Variants in FBN2 observed in about 807,000 individuals in gnomAD.
FBN2 encodes fibrillin 2, also known as fibrillin-2.
Under a neutral mutation model 355.6 loss-of-function variants are expected in FBN2, and 105 were observed. The observed-to-expected ratio is 0.30, with a 90% CI of 0.25 to 0.35. The LOEUF is 0.35. FBN2 is among the 10% of genes least tolerant of loss of function. FBN2 has a pLI of 1.00. For missense variants in FBN2, 3,280 were observed against 3,758.7 expected (o/e 0.87, Z 3.33); for synonymous variants, 1,350 against 1,301.2 (o/e 1.04, Z -0.81).
chr5:128,450,582 A>C (rs1415102333), intron 6 of FBN2, among the ~76,000 whole-genome samples: 2 of 152,144 alleles, frequency 1.3e-5, no homozygotes, highest in Non-Finnish European at 2.9e-5. Flanking sequence ...CTTATAGTAC[A>C]AAAAGAGAAG....
At chr5:128,490,713 GTGTT>G (rs1403457467) in intron 5 of FBN2, among the ~76,000 whole-genome samples, 1 of 152,142 alleles carries the variant, frequency 6.6e-6, no homozygotes, top group Non-Finnish European at 1.5e-5. Flanking sequence ...ATCTAGCAAA[GTGTT>G]TGGCACATGG....
chr5:128,501,377 G>C, intron 5 of FBN2, among the ~76,000 whole-genome samples: 1 of 152,106 alleles, frequency 6.6e-6, no homozygotes, highest in East Asian at 1.9e-4. Flanking sequence ...CTCTCAAACA[G>C]GAGCTAGGGA....
intron 5 of FBN2, among the ~76,000 whole-genome samples, chr5:128,491,077 A>G (rs1755490489): frequency 6.6e-6 from 1 of 152,242 alleles, no homozygotes; most frequent in Admixed American, 6.5e-5. Flanking sequence ...TCAGAGAAAC[A>G]TAATATGATG....
chr5:128,473,482 G>T (rs569494390), intron 5 of FBN2, among the ~76,000 whole-genome samples: 1 of 152,256 alleles, frequency 6.6e-6, no homozygotes, highest in South Asian at 2.1e-4. Context: ...AAAAGTCACA[G>T]ATTAAGTAAT....
At position 128,259,421 on chromosome 5, in the gene FBN2, T is replaced by C. The variant is rs370568104; in HGVS notation, c.*34A>G. 2.5e-6 allele frequency: 4 copies of C among 1,611,862 alleles called. No individual in the cohort carries two copies. Among genetic ancestry groups the C allele is most frequent in the African/African-American group, 2.7e-5 (2 of 74,864 alleles). ...AAATGCTTCTGCAGACTGGCTGTGC[T>C]AGGATTTGAGCCTGGGCCCAAGTCT... On this transcript the variant is annotated 3_prime_UTR_variant, in exon 65 of 65. Coordinates refer to ENST00000262464, the MANE Select transcript of FBN2 (RefSeq NM_001999.4).
At chr5:128,264,888 A>G (rs1240239092) in intron 62 of FBN2, among the ~76,000 whole-genome samples, 1 of 152,194 alleles carries the variant, frequency 6.6e-6, no homozygotes. Context: ...CCCAGACAGG[A>G]ATTAAACTTC....
At position 128,338,115 on chromosome 5, in the gene FBN2, G is replaced by A. The variant is rs142323824; in HGVS notation, c.3480C>T (p.Asp1160=). The A allele has an allele frequency of 1.2e-4, 190 of 1,613,886 alleles. No individual in the cohort carries two copies. The highest frequency in any genetic ancestry group is 6.9e-4 in the African/African-American group (52 of 75,022). ...FMMMKNCMDI[D]ECERNPLLCR... ...AAAGGAGAGGGTTACGTTCACATTC[G>A]TCAATGTCTGAAAGGTAAAAACGTG... The change falls in exon 27 of 65, where the codon GAC becomes GAT. Residue 1160 remains aspartate, a synonymous_variant. Coordinates refer to ENST00000262464, the MANE Select transcript of FBN2 (RefSeq NM_001999.4).
At chr5:128,360,991 C>G (rs1751624942) in intron 19 of FBN2, among the ~76,000 whole-genome samples, 1 of 152,092 alleles carries the variant, frequency 6.6e-6, no homozygotes, top group Non-Finnish European at 1.5e-5. Flanking sequence ...GTATTCATAC[C>G]ACAGATTATT....
intron 8 of FBN2, among the ~76,000 whole-genome samples, chr5:128,400,689 A>G (rs747894171): frequency 2.2e-4 from 33 of 152,242 alleles, no homozygotes; most frequent in Non-Finnish European, 4.1e-4. Flanking sequence ...ACCACAATGT[A>G]TGAAATGAAG....
intron 5 of FBN2, among the ~76,000 whole-genome samples, chr5:128,514,607 C>T (rs1404519798): frequency 6.6e-6 from 1 of 152,080 alleles, no homozygotes; most frequent in Non-Finnish European, 1.5e-5. Context: ...TTTAGTTACA[C>T]TCTTGTATAT....
intron 51 of FBN2, 124 bp from the exon 52 acceptor site, chr5:128,289,376 G>A: frequency 2.1e-6 from 2 of 944,084 alleles, no homozygotes; most frequent in South Asian, 2.6e-5. Context: ...CTGAGGTCAG[G>A]AGCTTGAGAC....
chr5:128,341,547 C>T (rs1472809344), intron 25 of FBN2, among the ~76,000 whole-genome samples: 4 of 152,198 alleles, frequency 2.6e-5, no homozygotes, highest in Admixed American at 6.5e-5. Flanking sequence ...GGACCTCTTC[C>T]CCCATTCCCT....
At chr5:128,285,066 G>T (rs953807731) in intron 55 of FBN2, among the ~76,000 whole-genome samples, 2 of 152,170 alleles carry the variant, frequency 1.3e-5, no homozygotes, top group African/African-American at 4.8e-5. Context: ...AATTACTGAG[G>T]CATAATATAT....
At chr5:128,505,177 G>T (rs919798785) in intron 5 of FBN2, among the ~76,000 whole-genome samples, 2 of 152,076 alleles carry the variant, frequency 1.3e-5, no homozygotes, top group Admixed American at 6.5e-5. Context: ...ACCCATTCTT[G>T]GTTATGTCTT....
intron 7 of FBN2, among the ~76,000 whole-genome samples, chr5:128,420,032 T>C (rs555697761): frequency 1.3e-4 from 20 of 152,236 alleles, no homozygotes; most frequent in South Asian, 6.2e-4. Flanking sequence ...AATTTGATAA[T>C]TGACAATGAT....
intron 5 of FBN2, among the ~76,000 whole-genome samples, chr5:128,517,954 G>A (rs982950127): frequency 6.6e-6 from 1 of 152,150 alleles, no homozygotes; most frequent in African/African-American, 2.4e-5. Flanking sequence ...GCTCAAGTTT[G>A]TTTTTACTGT....
At chr5:128,375,758 A>G (rs975970441) in intron 14 of FBN2, among the ~76,000 whole-genome samples, 5 of 152,160 alleles carry the variant, frequency 3.3e-5, no homozygotes, top group Admixed American at 2.0e-4. Context: ...AAATTTGGCC[A>G]GGTGCGATGG....
At chr5:128,456,261 C>T (rs1754391983) in intron 6 of FBN2, among the ~76,000 whole-genome samples, 1 of 152,094 alleles carries the variant, frequency 6.6e-6, no homozygotes, top group African/African-American at 2.4e-5. Flanking sequence ...TCTCCGATAA[C>T]TCCAGCCAGA....
intron 7 of FBN2, among the ~76,000 whole-genome samples, chr5:128,445,269 T>G (rs1407499004): frequency 6.6e-6 from 1 of 152,162 alleles, no homozygotes. Flanking sequence ...AGAGGGAGCA[T>G]GAAATTAATT....
Sources: allele counts gnomAD v4.1 joint callset (sites outside exome capture counted in the v4.1 genomes callset), GRCh38; gene constraint gnomAD v4.1.1; transcripts MANE v1.5; gene names NCBI Gene and HGNC (gene_info 2026-07-23, HGNC 2026-07-21).